Variants in TNR observed in about 807,000 individuals in gnomAD.
TNR encodes the protein tenascin-R.
Under a neutral mutation model 150.4 loss-of-function variants are expected in TNR, and 45 were observed. The ratio of observed to expected loss-of-function variants is 0.30; its 90% CI spans 0.24 to 0.38. The LOEUF (loss-of-function observed/expected upper bound fraction) is 0.38, where lower values mean the gene tolerates loss of function less well. Ranked by LOEUF, TNR falls within the 10% of genes least tolerant of loss-of-function variation. The pLI is 1.00. For missense variants in TNR, 1,544 were observed against 1,759.1 expected, an observed-to-expected ratio of 0.88 and a Z score of 2.19; for synonymous variants, 687 against 678.4, an observed-to-expected ratio of 1.01 and a Z score of -0.20.
At chr1:175,487,918 G>A (rs963492951) in intron 2 of TNR, among the ~76,000 whole-genome samples, 4 of 152,152 alleles carry the variant, frequency 2.6e-5, no homozygotes, top group African/African-American at 9.7e-5. Flanking sequence ...TTTTGAACTT[G>A]CCACTCAAGG....
intron 1 of TNR, among the ~76,000 whole-genome samples, chr1:175,620,128 T>C (rs1227706038): frequency 6.6e-6 from 1 of 152,196 alleles, no homozygotes; most frequent in African/African-American, 2.4e-5. Context: ...GGCAAGGAAG[T>C]CCAAGAAGTG....
chr1:175,611,579 C>G (rs180735536), intron 1 of TNR, among the ~76,000 whole-genome samples: 14 of 152,148 alleles, frequency 9.2e-5, no homozygotes, highest in Non-Finnish European at 1.9e-4. Context: ...AGCAATCCAC[C>G]CTCCTTGGCT....
At chr1:175,454,212 C>T (rs1656455121) in intron 2 of TNR, among the ~76,000 whole-genome samples, 1 of 152,172 alleles carries the variant, frequency 6.6e-6, no homozygotes, top group South Asian at 2.1e-4. Context: ...ACGCTTCTTG[C>T]CACAGTGTGT....
chr1:175,494,882 A>G (rs1658416357), intron 2 of TNR, among the ~76,000 whole-genome samples: 1 of 152,192 alleles, frequency 6.6e-6, no homozygotes. Context: ...GTCTAAAACA[A>G]TTCTTCATCA....
chr1:175,375,051 C>T lies in TNR; in HGVS notation c.1963+4501G>A, dbSNP rs113744394. On this transcript the variant is annotated intron_variant, in intron 9 of 22. Coordinates refer to ENST00000367674, the MANE Select transcript of TNR (RefSeq NM_003285.3). The stretch of plus-strand genomic sequence containing the variant: ...AGGCCAGAGTAGTGTTTATAATTTG[C>T]GTTAGTCCCAGTCAGGGAAGTTGAT... Among the ~76,000 whole-genome samples the T allele has an allele frequency of 2.8e-3, 420 of 152,274 alleles. 4 individuals are homozygous for T. The highest frequency in any genetic ancestry group is 9.6e-3 in the African/African-American group (397 of 41,550).
At chr1:175,416,116 T>TTATA (rs534164906) in intron 2 of TNR, among the ~76,000 whole-genome samples, 2 of 138,974 alleles carry the variant, frequency 1.4e-5, no homozygotes, top group Non-Finnish European at 3.1e-5. Flanking sequence ...CTTCTGACAA[T>TTATA]TATATATATA....
chr1:175,682,377 C>A (rs1028732457), intron 1 of TNR, among the ~76,000 whole-genome samples: 1 of 152,134 alleles, frequency 6.6e-6, no homozygotes, highest in Non-Finnish European at 1.5e-5. Flanking sequence ...GCAGAGACGC[C>A]GCTCAGAGAG....
chr1:175,587,699 C>G lies in TNR; in HGVS notation c.-164-59330G>C, dbSNP rs75158780. 4.8e-3 allele frequency among the ~76,000 whole-genome samples: 726 copies of G among 152,232 alleles called. 5 individuals are homozygous for G. The highest frequency in any genetic ancestry group is 0.017 in the African/African-American group (706 of 41,528). ...AAAAATCAGAGCCTAGACCCTACCC[C>G]AATAATTTTTAATTTAATAGTTCAG... is the stretch of plus-strand genomic sequence containing the variant. On this transcript the variant is annotated intron_variant, in intron 1 of 22. Transcript: ENST00000367674.
At chr1:175,619,963 C>T (rs925626230) in intron 1 of TNR, among the ~76,000 whole-genome samples, 1 of 152,200 alleles carries the variant, frequency 6.6e-6, no homozygotes, top group African/African-American at 2.4e-5. Context: ...CTGAAACTTA[C>T]CCATCTATAA....
At chr1:175,586,364 CT>C (rs1662571409) in intron 1 of TNR, among the ~76,000 whole-genome samples, 1 of 151,956 alleles carries the variant, frequency 6.6e-6, no homozygotes, top group South Asian at 2.1e-4. Context: ...TTTCCTTATA[CT>C]TTTTTTTCCC....
chr1:175,535,163 A>T (rs1381343916), intron 1 of TNR, among the ~76,000 whole-genome samples: 3 of 152,204 alleles, frequency 2.0e-5, no homozygotes, highest in Non-Finnish European at 4.4e-5. Flanking sequence ...AGGGGGCTGC[A>T]TGTAGTTTCT....
chr1:175,602,574 C>T (rs559716045), intron 1 of TNR, among the ~76,000 whole-genome samples: 10 of 152,366 alleles, frequency 6.6e-5, no homozygotes, highest in Admixed American at 2.6e-4. Flanking sequence ...TTTACGGACA[C>T]TGCACTGTGT....
chr1:175,548,990 G>C (rs1237153571), intron 1 of TNR, among the ~76,000 whole-genome samples: 1 of 152,214 alleles, frequency 6.6e-6, no homozygotes, highest in Non-Finnish European at 1.5e-5. Context: ...CCAAGGAGCT[G>C]TCTCTCATTG....
chr1:175,427,717 CCTT>C (rs1655065896), intron 2 of TNR, among the ~76,000 whole-genome samples: 2 of 122,656 alleles, frequency 1.6e-5, no homozygotes, highest in African/African-American at 6.6e-5. Flanking sequence ...CTTCTTCCCT[CCTT>C]CTCTCTTTCT....
intron 2 of TNR, among the ~76,000 whole-genome samples, chr1:175,492,118 G>A (rs905737866): frequency 2.6e-5 from 4 of 152,150 alleles, no homozygotes; most frequent in South Asian, 2.1e-4. Context: ...TTGCTTTCCT[G>A]CTCAATGAAC....
intron 2 of TNR, among the ~76,000 whole-genome samples, chr1:175,442,275 T>C (rs1411057665): frequency 6.6e-6 from 1 of 152,158 alleles, no homozygotes; most frequent in African/African-American, 2.4e-5. Context: ...AAGCAGGGCA[T>C]GTAAACCAGT....
intron 1 of TNR, among the ~76,000 whole-genome samples, chr1:175,708,329 A>C (rs1223764917): frequency 1.3e-5 from 2 of 152,184 alleles, no homozygotes; most frequent in Non-Finnish European, 2.9e-5. Flanking sequence ...TGGGGTTTGG[A>C]GAATAATGAT....
chr1:175,480,914 A>G (rs1037415114), intron 2 of TNR, among the ~76,000 whole-genome samples: 1 of 152,152 alleles, frequency 6.6e-6, no homozygotes, highest in African/African-American at 2.4e-5. Context: ...ATTAATTAAA[A>G]CTTACATGGT....
intron 1 of TNR, among the ~76,000 whole-genome samples, chr1:175,636,476 C>T (rs1441950680): frequency 1.3e-5 from 2 of 152,104 alleles, no homozygotes; most frequent in Admixed American, 6.5e-5. Context: ...GACATCCATG[C>T]CCCAGGTCCC....
Sources: allele counts gnomAD v4.1 joint callset (sites outside exome capture counted in the v4.1 genomes callset), GRCh38; gene constraint gnomAD v4.1.1; transcripts MANE v1.5; gene names NCBI Gene and HGNC (gene_info 2026-07-23, HGNC 2026-07-21).